Variants in ANLN observed in about 807,000 individuals in gnomAD.
ANLN encodes the protein anillin, actin binding protein.
In ANLN, 59 loss-of-function variants were observed where a neutral mutation model predicts 135.1. The observed-to-expected ratio is 0.44, with a 90% CI of 0.35 to 0.54. ANLN has a LOEUF of 0.54. ANLN is among the 20% of genes least tolerant of loss of function. The pLI, the probability that ANLN is intolerant of heterozygous loss-of-function variation, is 0.00. For missense variants in ANLN, 1,182 were observed against 1,340.0 expected (o/e 0.88, Z 1.84); for synonymous variants, 406 against 456.4 (o/e 0.89, Z 1.41).
At chr7:36,441,337 T>G (rs1320089877) in intron 21 of ANLN, among the ~76,000 whole-genome samples, 1 of 152,158 alleles carries the variant, frequency 6.6e-6, no homozygotes, top group African/African-American at 2.4e-5. Flanking sequence ...CATTCACACT[T>G]ACAAAAATGT....
At chr7:36,417,012 A>G in intron 8 of ANLN, 68 bp from the exon 9 acceptor site, 3 of 853,794 alleles carry the variant, frequency 3.5e-6, no homozygotes, top group Middle Eastern at 3.6e-4. Flanking sequence ...AAACACACAC[A>G]AGATTCCATA....
Position 36,428,267 on chromosome 7 carries a change from TG to T in ANLN, c.2883+1242del, listed in dbSNP as rs1290736628. 4.5e-6 allele frequency: 5 copies of T among 1,108,358 alleles called. No individual in the cohort carries two copies. In the Admixed American group the frequency reaches 1.3e-4, roughly 29 times the overall value. The allele number at this position is 1,108,358 out of a possible 1,614,324, so 68.7% of individuals were successfully genotyped here. On this transcript the variant is annotated intron_variant, in intron 20 of 23. Transcript: ENST00000265748. ...GCTACTTTAACCAGTTGAGTGATCC[TG>T]GGTCTTTTTTTCTCTGTCTCTTATT... is the stretch of plus-strand genomic sequence containing the variant.
intron 21 of ANLN, among the ~76,000 whole-genome samples, 194 bp downstream of exon 21, chr7:36,439,484 A>G (rs1788677696): frequency 6.6e-6 from 1 of 152,240 alleles, no homozygotes; most frequent in South Asian, 2.1e-4. Context: ...TCCTCTGCTC[A>G]TGAGTTTTTA....
rs1333010690 is a variant in ANLN at position 36,453,384 on chromosome 7, A to G, written c.*784A>G. The G allele has an allele frequency of 1.3e-5, 2 of 152,166 alleles. No individual in the cohort carries two copies. The highest frequency in any genetic ancestry group is 1.9e-4 in the East Asian group (1 of 5,202). The allele number at this position is 152,166 out of a possible 1,614,324, so 9.4% of individuals were successfully genotyped here. On this transcript the variant is annotated 3_prime_UTR_variant, in exon 24 of 24. Coordinates refer to ENST00000265748, the MANE Select transcript of ANLN (RefSeq NM_018685.5). The stretch of plus-strand genomic sequence containing the variant: ...TACAAGTGTAAATTGAAAAATCTTT[A>G]TATTAAAAAAGTAAACTGTTATGAA...
chr7:36,399,159 A>C lies in ANLN; in HGVS notation c.253A>C (p.Lys85Gln). 1 of 1,614,200 alleles carries C rather than the reference A, an allele frequency of 6.2e-7. No homozygotes were observed. Among genetic ancestry groups the C allele is most frequent in the South Asian group, 1.1e-5 (1 of 91,088 alleles). ...AGTAGAAGTTTCTAACTTGGAAAAT[A>C]AACAACCAGTTGAGTCGACATCTGC... is the stretch of plus-strand genomic sequence containing the variant. ...TEVEVSNLEN[K>Q]QPVESTSAKS... is the part of the protein sequence containing the mutation. The change falls in exon 3 of 24, where the codon AAA becomes CAA. Residue 85 changes from lysine (K) to glutamine (Q), a missense_variant. Coordinates refer to ENST00000265748, the MANE Select transcript of ANLN (RefSeq NM_018685.5).
At chr7:36,428,639 C>G (rs1412081723) in intron 20 of ANLN, among the ~76,000 whole-genome samples, 1 of 151,816 alleles carries the variant, frequency 6.6e-6, no homozygotes, top group African/African-American at 2.4e-5. Context: ...TCATTATAAT[C>G]CTATATTCAC....
intron 1 of ANLN, among the ~76,000 whole-genome samples, chr7:36,394,929 G>C (rs560243254): frequency 1.3e-5 from 2 of 152,200 alleles, no homozygotes; most frequent in Admixed American, 1.3e-4. Context: ...GTAGAAAGGA[G>C]TATTCATGAC....
intron 22 of ANLN, among the ~76,000 whole-genome samples, chr7:36,444,969 G>A (rs566900775): frequency 6.6e-6 from 1 of 151,948 alleles, no homozygotes; most frequent in Non-Finnish European, 1.5e-5. Context: ...CCAAAAGGGC[G>A]TAAAATAATT....
At chr7:36,431,962 A>G (rs1252983616) in intron 20 of ANLN, among the ~76,000 whole-genome samples, 6 of 152,124 alleles carry the variant, frequency 3.9e-5, no homozygotes, top group Admixed American at 3.9e-4. Context: ...CTACAATCCC[A>G]ACACTTTGGG....
Position 36,445,624 on chromosome 7 carries a change from G to A in ANLN, c.3078+1762G>A, listed in dbSNP as rs190198176. Among the ~76,000 whole-genome samples the A allele has an allele frequency of 3.9e-5, 6 of 152,260 alleles. No individual in the cohort carries two copies. The East Asian group carries it at 5.8e-4, about 15-fold the overall frequency. On this transcript the variant is annotated intron_variant, in intron 22 of 23. Coordinates refer to ENST00000265748, the MANE Select transcript of ANLN (RefSeq NM_018685.5). ...TTCTAAATTGTTGTATACAGACAAT[G>A]CTGCTGTGATTCACTTTCTTCTCAT...
intron 7 of ANLN, among the ~76,000 whole-genome samples, chr7:36,412,045 A>G (rs1787434537): frequency 6.6e-6 from 1 of 151,826 alleles, no homozygotes; most frequent in South Asian, 2.1e-4. Flanking sequence ...GGTTTGCTCT[A>G]TACCTTGTCA....
chr7:36,424,382 C>T (rs1377878265), intron 15 of ANLN, among the ~76,000 whole-genome samples, 163 bp from the exon 16 acceptor site: 1 of 152,050 alleles, frequency 6.6e-6, no homozygotes, highest in East Asian at 1.9e-4. Context: ...ATATTTTGGA[C>T]TTGCATTATA....
chr7:36,413,333 T>A (rs1787505708), intron 7 of ANLN, among the ~76,000 whole-genome samples: 1 of 152,190 alleles, frequency 6.6e-6, no homozygotes, highest in African/African-American at 2.4e-5. Flanking sequence ...CCACCACTCC[T>A]TCCACGACTC....
At chr7:36,403,039 C>T (rs1338677244) in intron 3 of ANLN, among the ~76,000 whole-genome samples, 1 of 152,104 alleles carries the variant, frequency 6.6e-6, no homozygotes, top group Non-Finnish European at 1.5e-5. Context: ...ATGTCTTGAA[C>T]CCGGGAGGCG....
intron 7 of ANLN, 31 bp downstream of exon 7, chr7:36,411,197 T>C (rs1787399570): frequency 6.5e-7 from 1 of 1,547,364 alleles, no homozygotes; most frequent in African/African-American, 1.4e-5. Flanking sequence ...AAAAACGAAC[T>C]TGGTCCCCAA....
At chr7:36,420,529 A>C in intron 11 of ANLN, 68 bp from the exon 12 acceptor site, 1 of 1,383,538 alleles carries the variant, frequency 7.2e-7, no homozygotes, top group East Asian at 2.3e-5. Context: ...TTCTGCTGAT[A>C]TGTTCAATAA....
intron 2 of ANLN, among the ~76,000 whole-genome samples, chr7:36,397,477 A>G (rs1476367733): frequency 6.6e-6 from 1 of 152,210 alleles, no homozygotes; most frequent in Non-Finnish European, 1.5e-5. Flanking sequence ...ATAATTGTAA[A>G]CTAGAAGAAT....
At chr7:36,439,174 T>G in intron 20 of ANLN, 30 bp from the exon 21 acceptor site, 1 of 1,266,082 alleles carries the variant, frequency 7.9e-7, no homozygotes, top group Non-Finnish European at 1.1e-6. Context: ...TGAACCTGTT[T>G]TGCAAATAAT....
At chr7:36,397,168 G>A (rs1786742505) in intron 2 of ANLN, among the ~76,000 whole-genome samples, 1 of 138,406 alleles carries the variant, frequency 7.2e-6, no homozygotes, top group African/African-American at 2.5e-5. Context: ...AAAAAAGAAA[G>A]CAGAGAAGTG....
Sources: gnomAD v4.1 joint callset for allele counts (sites outside exome capture counted in the v4.1 genomes callset) on GRCh38, gnomAD v4.1.1 for gene constraint, MANE v1.5 for transcripts, NCBI Gene and HGNC (gene_info 2026-07-23, HGNC 2026-07-21) for gene names.